Variants in TEAD4 observed in about 807,000 individuals in gnomAD.
TEAD4 encodes transcriptional enhancer factor TEF-3.
A neutral mutation model predicts 52.4 loss-of-function variants in TEAD4; 36 were observed. That is an observed-to-expected ratio of 0.69 (90% CI 0.53 to 0.91). The LOEUF (loss-of-function observed/expected upper bound fraction) is 0.91. Ranked by LOEUF, TEAD4 falls within the 40% of genes least tolerant of loss-of-function variation. The pLI, the probability that TEAD4 is intolerant of heterozygous loss-of-function variation, is 0.00. For missense variants in TEAD4, 508 were observed against 583.9 expected (o/e 0.87, Z 1.34); for synonymous variants, 220 against 231.0 (o/e 0.95, Z 0.43).
chr12:2,993,540 G>A (rs1271367962), intron 2 of TEAD4, among the ~76,000 whole-genome samples: 1 of 152,106 alleles, frequency 6.6e-6, no homozygotes, highest in Admixed American at 6.5e-5. Flanking sequence ...GCGCAATCAT[G>A]GCTAACTGCA....
intron 2 of TEAD4, among the ~76,000 whole-genome samples, chr12:2,979,178 A>G (rs112103750): frequency 2.6e-5 from 4 of 152,228 alleles, no homozygotes; most frequent in African/African-American, 9.6e-5. Context: ...GGCCTCCCAA[A>G]GTGCTGGGAT....
chr12:3,026,251 C>T (rs894741020), intron 10 of TEAD4, among the ~76,000 whole-genome samples: 6 of 152,192 alleles, frequency 3.9e-5, no homozygotes, highest in Non-Finnish European at 5.9e-5. Flanking sequence ...TATTTTCAAT[C>T]TTGGTCTGTT....
chr12:3,012,058 A>ATTCG, intron 4 of TEAD4, 112 bp from the exon 5 acceptor site: 2 of 1,029,078 alleles, frequency 1.9e-6, no homozygotes, highest in Non-Finnish European at 2.9e-6. Context: ...TCATTCATTC[A>ATTCG]TTTGGTCCAC....
At position 3,040,349 on chromosome 12, in the gene TEAD4, T is replaced by C; in HGVS notation, c.1192-16T>C. 1.2e-6 allele frequency: 2 copies of C among 1,614,070 alleles called. No homozygotes were observed. Among genetic ancestry groups the C allele is most frequent in the South Asian group, 2.2e-5 (2 of 91,078 alleles). ...TTCTGGGGCCTTATTAACCCTTGTCTTTTTCTCTCCCACAGGTGGTCACCA... is the reference window on the plus strand; with the variant it reads ...TTCTGGGGCCTTATTAACCCTTGTCCTTTTCTCTCCCACAGGTGGTCACCA... On this transcript the variant is annotated splice_polypyrimidine_tract_variant and intron_variant, in intron 12 of 12. Transcript: ENST00000359864.
intron 10 of TEAD4, among the ~76,000 whole-genome samples, chr12:3,030,993 C>G (rs1279118673): frequency 2.0e-5 from 3 of 152,186 alleles, no homozygotes; most frequent in African/African-American, 7.2e-5. Context: ...GCAGTGGAGA[C>G]CAGGCAAGAC....
At chr12:3,037,218 C>T (rs935807806) in intron 10 of TEAD4, among the ~76,000 whole-genome samples, 76 of 152,272 alleles carry the variant, frequency 5.0e-4, no homozygotes, top group African/African-American at 1.7e-3. Flanking sequence ...GACTCCTGTC[C>T]CTTGTGGCTA....
intron 2 of TEAD4, among the ~76,000 whole-genome samples, chr12:2,969,866 A>G (rs375973107): frequency 1.6e-4 from 24 of 152,348 alleles, no homozygotes; most frequent in African/African-American, 5.1e-4. Flanking sequence ...AGCAGTGGCT[A>G]TCAGTGCAGA....
chr12:2,979,287 TGATG>T (rs1565526910), intron 2 of TEAD4, among the ~76,000 whole-genome samples: 2 of 152,220 alleles, frequency 1.3e-5, no homozygotes, highest in Non-Finnish European at 2.9e-5. Flanking sequence ...ATTCCTCTAT[TGATG>T]GACATTTGGG....
intron 2 of TEAD4, among the ~76,000 whole-genome samples, chr12:2,961,713 A>G (rs2098215457): frequency 6.6e-6 from 1 of 152,204 alleles, no homozygotes; most frequent in African/African-American, 2.4e-5. Context: ...TGCCTGGCAC[A>G]TCCCATGGAC....
chr12:3,020,721 T>C lies in TEAD4; in HGVS notation c.671T>C (p.Leu224Pro). ...GGCCGCAGCGTGGCCAGCTCCAAGC[T>C]CTGGATGTTGGAGTTCTCTGCCTTC... is the stretch of plus-strand genomic sequence containing the variant. The change falls in exon 9 of 13, where the codon CTC (leucine) becomes CCC (proline). Residue 224 changes from leucine to proline, a missense_variant. Transcript: ENST00000359864. 6.2e-7 allele frequency: 1 copy of C among 1,609,150 alleles called. No individual in the cohort carries two copies. The highest frequency in any genetic ancestry group is 2.2e-5 in the East Asian group (1 of 44,560).
chr12:2,975,806 C>G (rs2098229163), intron 2 of TEAD4, among the ~76,000 whole-genome samples: 1 of 152,152 alleles, frequency 6.6e-6, no homozygotes, highest in Non-Finnish European at 1.5e-5. Context: ...AGAATAGCAT[C>G]ACCGTTCCCC....
chr12:3,000,939 C>T (rs897265494), intron 3 of TEAD4, among the ~76,000 whole-genome samples: 55 of 152,206 alleles, frequency 3.6e-4, no homozygotes, highest in African/African-American at 1.2e-3. Flanking sequence ...CACCTGGGCT[C>T]CTGCCCCCCG....
At chr12:2,972,358 G>A (rs1381096102) in intron 2 of TEAD4, among the ~76,000 whole-genome samples, 4 of 151,980 alleles carry the variant, frequency 2.6e-5, no homozygotes, top group South Asian at 4.1e-4. Context: ...CTTGGATTAC[G>A]GGTGTGAGCC....
At chr12:2,982,387 C>T (rs2098234781) in intron 2 of TEAD4, among the ~76,000 whole-genome samples, 1 of 152,202 alleles carries the variant, frequency 6.6e-6, no homozygotes, top group South Asian at 2.1e-4. Flanking sequence ...TGGGCTGGGC[C>T]CTGAGAACCA....
Position 2,959,421 on chromosome 12 carries a change from T to A in TEAD4, c.-183T>A, listed in dbSNP as rs2098213262. ...CATTCCGCGCATTCCAGCGTCCTCCTCGCACACTCGAGGCCAGGGGGCGGG... is the reference window on the plus strand; with the variant it reads ...CATTCCGCGCATTCCAGCGTCCTCCACGCACACTCGAGGCCAGGGGGCGGG... On this transcript the variant is annotated 5_prime_UTR_variant, in exon 1 of 13. Transcript: ENST00000359864. The surrounding 1 kb of genome is among the most constrained non-coding windows in gnomAD (Gnocchi z 5.1). 6.9e-6 allele frequency: 1 copy of A among 145,628 alleles called. No individual in the cohort carries two copies. Among genetic ancestry groups the A allele is most frequent in the African/African-American group, 2.5e-5 (1 of 40,372 alleles). 9.0% of individuals were successfully genotyped at this position (145,628 alleles called of 1,614,324 possible).
At chr12:3,015,535 T>C (rs186388660) in intron 5 of TEAD4, among the ~76,000 whole-genome samples, 1 of 152,354 alleles carries the variant, frequency 6.6e-6, no homozygotes, top group Non-Finnish European at 1.5e-5. Flanking sequence ...ACTGAGCCTC[T>C]CTGAGCCTCC....
chr12:2,988,916 C>G (rs2153954854), intron 2 of TEAD4, among the ~76,000 whole-genome samples: 1 of 152,320 alleles, frequency 6.6e-6, no homozygotes, highest in South Asian at 2.1e-4. Flanking sequence ...CTCGAACCGT[C>G]CCACGTGCCT....
chr12:3,022,661 G>A (rs189295214), intron 10 of TEAD4, among the ~76,000 whole-genome samples: 11 of 152,294 alleles, frequency 7.2e-5, no homozygotes, highest in African/African-American at 2.2e-4. Flanking sequence ...GTCTGAGGCC[G>A]GGAGGTACAG....
intron 10 of TEAD4, among the ~76,000 whole-genome samples, chr12:3,037,046 G>A (rs2098279866): frequency 6.6e-6 from 1 of 152,200 alleles, no homozygotes; most frequent in Non-Finnish European, 1.5e-5. Context: ...GCCTTTTCTA[G>A]AAGGGAAGTT....
Sources: allele counts gnomAD v4.1 joint callset (sites outside exome capture counted in the v4.1 genomes callset), GRCh38; gene constraint gnomAD v4.1.1; non-coding constraint Gnocchi (gnomAD v3.1); transcripts MANE v1.5; gene names NCBI Gene and HGNC (gene_info 2026-07-23, HGNC 2026-07-21).